DAB1: variants seen among roughly 807,000 people sequenced by gnomAD.
DAB1 encodes DAB adaptor protein 1.
A neutral mutation model predicts 64.6 loss-of-function variants in DAB1; 15 were observed. The ratio of observed to expected loss-of-function variants is 0.23; its 90% CI spans 0.16 to 0.36. DAB1 has a LOEUF of 0.36. Among genes scored for constraint, DAB1 ranks in the 10% least tolerant of loss-of-function variants. DAB1 has a pLI of 1.00. For synonymous variants in DAB1, 235 were observed against 251.9 expected, an observed-to-expected ratio of 0.93 and a Z score of 0.64; for missense variants, 596 against 706.7, an observed-to-expected ratio of 0.84 and a Z score of 1.78.
intron 6 of DAB1, among the ~76,000 whole-genome samples, chr1:57,784,298 G>A (rs1206814280): frequency 6.6e-6 from 1 of 152,136 alleles, no homozygotes; most frequent in Non-Finnish European, 1.5e-5. Context: ...GGAGTCTGAG[G>A]TGGGAGGATC....
At chr1:57,120,918 G>T (rs1414866046) in intron 4 of DAB1, among the ~76,000 whole-genome samples, 1 of 152,042 alleles carries the variant, frequency 6.6e-6, no homozygotes, top group Non-Finnish European at 1.5e-5. Flanking sequence ...AACAAAAGTG[G>T]CTGGTGTGTG....
At chr1:58,270,373 T>C (rs1661285777) in intron 4 of DAB1, among the ~76,000 whole-genome samples, 1 of 139,922 alleles carries the variant, frequency 7.1e-6, no homozygotes, top group Admixed American at 7.2e-5. Flanking sequence ...TTCTGTTCCA[T>C]TGATCTATAT....
chr1:58,230,281 G>C (rs143628739), intron 4 of DAB1, among the ~76,000 whole-genome samples: 2 of 152,114 alleles, frequency 1.3e-5, no homozygotes, highest in African/African-American at 4.8e-5. Context: ...CCTTGGTGTC[G>C]GGCCTTTAAT....
At chr1:57,421,214 T>C (rs1227975651) in intron 1 of DAB1, among the ~76,000 whole-genome samples, 1 of 152,130 alleles carries the variant, frequency 6.6e-6, no homozygotes, top group African/African-American at 2.4e-5. Context: ...AAATGAACAA[T>C]AAGTGATACA....
intron 1 of DAB1, among the ~76,000 whole-genome samples, chr1:57,333,282 G>A (rs58075307): frequency 0.021 from 3,158 of 152,302 alleles, 39 homozygotes; most frequent in South Asian, 0.036. Context: ...CCAAGAAAAA[G>A]CTTCACACCT....
intron 7 of DAB1, among the ~76,000 whole-genome samples, chr1:57,600,399 A>G (rs1041751960): frequency 7.2e-5 from 11 of 152,250 alleles, no homozygotes; most frequent in African/African-American, 2.7e-4. Flanking sequence ...GTTGAGACGG[A>G]AAGCTTTACA....
chr1:57,390,770 T>C (rs1438439521), intron 1 of DAB1, among the ~76,000 whole-genome samples: 1 of 152,220 alleles, frequency 6.6e-6, no homozygotes, highest in South Asian at 2.1e-4. Context: ...TTCCCAATTT[T>C]TATTTTACTT....
chr1:57,549,598 A>G (rs193131639), intron 7 of DAB1, among the ~76,000 whole-genome samples: 1 of 152,314 alleles, frequency 6.6e-6, no homozygotes, highest in East Asian at 1.9e-4. Context: ...AGAGTCTGAT[A>G]AATCAAATTA....
intron 3 of DAB1, among the ~76,000 whole-genome samples, chr1:58,384,049 T>A (rs1422311331): frequency 6.6e-6 from 1 of 152,086 alleles, no homozygotes; most frequent in East Asian, 1.9e-4. Context: ...CTTGTTATCT[T>A]TTGTTGTTGT....
At position 57,453,279 on chromosome 1, in the gene DAB1, C is replaced by T. The variant is rs935637391; in HGVS notation, n.626-162113G>A. Among the ~76,000 whole-genome samples the T allele has an allele frequency of 5.3e-5, 8 of 152,176 alleles. No homozygotes were observed. The South Asian group carries it at 6.2e-4, about 12-fold the overall frequency. ...AGTTCCACCACTCGAATTACAAGCA[C>T]GGAAAAGATTTAACCATATATGCAA... On this transcript the variant is annotated intron_variant and non_coding_transcript_variant, in intron 7 of 20. Coordinates refer to the DAB1 transcript ENST00000485760.
chr1:57,486,249 A>T (rs1218584914), intron 7 of DAB1, among the ~76,000 whole-genome samples: 2 of 152,218 alleles, frequency 1.3e-5, no homozygotes, highest in Non-Finnish European at 2.9e-5. Flanking sequence ...GCCCAAATTG[A>T]GGCTCAGCTT....
chr1:57,835,231 A>G (rs537533985), intron 1 of DAB1, among the ~76,000 whole-genome samples: 1 of 152,280 alleles, frequency 6.6e-6, no homozygotes, highest in African/African-American at 2.4e-5. Context: ...CAATGCTATG[A>G]TCTAGGGTCA....
At chr1:57,063,303 C>T (rs1650588893) in intron 8 of DAB1, among the ~76,000 whole-genome samples, 1 of 152,018 alleles carries the variant, frequency 6.6e-6, no homozygotes, top group African/African-American at 2.4e-5. Flanking sequence ...TATACTGTTC[C>T]TGAAGTGATT....
At position 57,367,109 on chromosome 1, in the gene DAB1, A is replaced by AAAAT. The variant is rs1553173339; in HGVS notation, c.-137+56817_-137+56820dup. Among the ~76,000 whole-genome samples, 376 of 131,644 alleles carry AAAAT rather than the reference A, an allele frequency of 2.9e-3. 3 individuals carry two copies. Among genetic ancestry groups the AAAAT allele is most frequent in the African/African-American group, 0.011 (343 of 32,196 alleles). 86.4% of individuals were successfully genotyped at this position (131,644 alleles called of 152,430 possible). ...AAAATAAAATAAAATAAAATAAAAT[A>AAAAT]AAATAAAATAAATAAATTAGCCAGG... is the stretch of plus-strand genomic sequence containing the variant. On this transcript the variant is annotated intron_variant, in intron 1 of 14. Transcript: ENST00000371236.
chr1:57,517,794 G>T (rs1644479788), intron 7 of DAB1, among the ~76,000 whole-genome samples: 1 of 152,214 alleles, frequency 6.6e-6, no homozygotes, highest in Admixed American at 6.5e-5. Flanking sequence ...AGCCACTACA[G>T]CTAAGGGGGC....
At chr1:58,061,314 T>C (rs1648490329) in intron 5 of DAB1, among the ~76,000 whole-genome samples, 1 of 152,146 alleles carries the variant, frequency 6.6e-6, no homozygotes, top group African/African-American at 2.4e-5. Context: ...ACAATAGCAT[T>C]TACTGCCTCA....
chr1:57,365,710 A>T (rs1679942745), intron 1 of DAB1, among the ~76,000 whole-genome samples: 1 of 152,112 alleles, frequency 6.6e-6, no homozygotes, highest in African/African-American at 2.4e-5. Context: ...CAGGCTTTTC[A>T]TAGACAGGCA....
At chr1:57,524,929 T>C (rs1398512986) in intron 7 of DAB1, among the ~76,000 whole-genome samples, 1 of 151,908 alleles carries the variant, frequency 6.6e-6, no homozygotes, top group Non-Finnish European at 1.5e-5. Flanking sequence ...TCACAAAGAA[T>C]ATGGAAAGAG....
At chr1:57,105,217 C>T (rs1182947652) in intron 4 of DAB1, among the ~76,000 whole-genome samples, 2 of 151,758 alleles carry the variant, frequency 1.3e-5, no homozygotes, top group Admixed American at 6.6e-5. Context: ...AGCAAACACC[C>T]TAATTAATGC....
Sources: gnomAD v4.1 joint callset for allele counts (sites outside exome capture counted in the v4.1 genomes callset) on GRCh38, gnomAD v4.1.1 for gene constraint, MANE v1.5 for transcripts, NCBI Gene and HGNC (gene_info 2026-07-23, HGNC 2026-07-21) for gene names.